The following STK32B variants were observed in gnomAD, a reference collection of about 807,000 sequenced individuals.
The protein encoded by STK32B is serine/threonine-protein kinase 32B.
In STK32B, 43 loss-of-function variants were observed where a neutral mutation model predicts 52.6. The observed-to-expected ratio is 0.82, with a 90% CI of 0.64 to 1.05. The LOEUF (loss-of-function observed/expected upper bound fraction) is 1.05. STK32B is among the 50% of genes least tolerant of loss of function. The pLI is 0.00. For synonymous variants in STK32B, 238 were observed against 204.3 expected (o/e 1.17, Z -1.41); for missense variants, 621 against 534.6 (o/e 1.16, Z -1.59).
chr4:5,103,589 A>G (rs1713944181), intron 1 of STK32B, among the ~76,000 whole-genome samples: 1 of 152,120 alleles, frequency 6.6e-6, no homozygotes, highest in Non-Finnish European at 1.5e-5. Flanking sequence ...TTCCTTGTGC[A>G]CATCCATGGG....
rs538365816 is a variant in STK32B, at chr4:5,157,403, T to G, written c.109-10896T>G. On this transcript the variant is annotated intron_variant, in intron 2 of 11. Coordinates refer to ENST00000282908, the MANE Select transcript of STK32B (RefSeq NM_018401.3). ...CATATAAACAATAAGTATGATGATT[T>G]CCATTGATGATAGCTGCTCTGCAGA... Among the ~76,000 whole-genome samples the G allele has an allele frequency of 2.0e-5, 3 of 152,182 alleles. No individual in the cohort carries two copies. In the East Asian group the frequency reaches 5.8e-4, roughly 29 times the overall value.
intron 9 of STK32B, among the ~76,000 whole-genome samples, chr4:5,461,998 C>T (rs1245197143): frequency 6.6e-6 from 1 of 152,216 alleles, no homozygotes; most frequent in African/African-American, 2.4e-5. Flanking sequence ...AGTGGCTGTT[C>T]AGGTAGAGCT....
chr4:5,130,226 G>A (rs957932270), intron 1 of STK32B, among the ~76,000 whole-genome samples: 4 of 151,904 alleles, frequency 2.6e-5, no homozygotes, highest in East Asian at 1.9e-4. Flanking sequence ...ATGACCAGGC[G>A]TTCCAGGCAG....
Position 5,381,672 on chromosome 4 carries a change from A to G in STK32B, c.435-16535A>G, listed in dbSNP as rs141570454. Among the ~76,000 whole-genome samples, 632 of 152,294 alleles carry G rather than the reference A, an allele frequency of 4.1e-3. 5 individuals carry two copies. Among genetic ancestry groups the G allele is most frequent in the African/African-American group, 0.014 (589 of 41,566 alleles). ...AGGAAATAGCACATGGATTATTTGTAATACATTTCTTTTTCTGAAAGTGGC... is the reference window on the plus strand; with the variant it reads ...AGGAAATAGCACATGGATTATTTGTGATACATTTCTTTTTCTGAAAGTGGC... On this transcript the variant is annotated intron_variant, in intron 4 of 11. Transcript: ENST00000282908.
chr4:5,251,599 T>G (rs1440682541), intron 3 of STK32B, among the ~76,000 whole-genome samples: 1 of 152,184 alleles, frequency 6.6e-6, no homozygotes, highest in Non-Finnish European at 1.5e-5. Context: ...TTATAATTTT[T>G]TTAATTCCAT....
chr4:5,495,329 T>C (rs1228573509), intron 11 of STK32B, among the ~76,000 whole-genome samples: 1 of 152,210 alleles, frequency 6.6e-6, no homozygotes, highest in Non-Finnish European at 1.5e-5. Context: ...ATTCAGTTCA[T>C]GTTCCATCGC....
chr4:5,364,096 C>CG (rs1366864640), intron 4 of STK32B, among the ~76,000 whole-genome samples: 5 of 151,134 alleles, frequency 3.3e-5, no homozygotes, highest in African/African-American at 1.2e-4. Context: ...ACTGACCCCC[C>CG]CCACTGTCCA....
intron 3 of STK32B, among the ~76,000 whole-genome samples, chr4:5,304,017 A>T (rs1729749206): frequency 6.6e-6 from 1 of 152,056 alleles, no homozygotes; most frequent in African/African-American, 2.4e-5. Flanking sequence ...TGAGTTCTCT[A>T]TTCTGTTCCA....
At chr4:5,283,771 C>T (rs918377557) in intron 3 of STK32B, among the ~76,000 whole-genome samples, 4 of 152,038 alleles carry the variant, frequency 2.6e-5, no homozygotes, top group Admixed American at 1.3e-4. Context: ...AGTAAAAAGT[C>T]CTGGGCAAAC....
At chr4:5,392,615 C>T (rs566651600) in intron 4 of STK32B, among the ~76,000 whole-genome samples, 34 of 152,130 alleles carry the variant, frequency 2.2e-4, no homozygotes, top group Non-Finnish European at 3.4e-4. Context: ...CTTACCTCTA[C>T]CGGTGTTTGA....
intron 4 of STK32B, among the ~76,000 whole-genome samples, chr4:5,356,415 G>C (rs1031110438): frequency 2.0e-5 from 3 of 152,188 alleles, no homozygotes; most frequent in Non-Finnish European, 4.4e-5. Flanking sequence ...TTCACAGACA[G>C]CAGGGTTAGG....
chr4:5,297,113 C>T (rs1177395557), intron 3 of STK32B, among the ~76,000 whole-genome samples: 3 of 152,166 alleles, frequency 2.0e-5, no homozygotes, highest in Non-Finnish European at 4.4e-5. Context: ...GCCCCACTCT[C>T]GTCTGTCTTG....
intron 7 of STK32B, among the ~76,000 whole-genome samples, chr4:5,455,200 A>C (rs3821931): frequency 0.057 from 8,611 of 152,312 alleles, 462 homozygotes; most frequent in African/African-American, 0.14. Context: ...CTGTAGCCCT[A>C]CCAAGGATCG....
At chr4:5,169,185 G>C (rs1719132655) in intron 3 of STK32B, among the ~76,000 whole-genome samples, 1 of 152,136 alleles carries the variant, frequency 6.6e-6, no homozygotes, top group Non-Finnish European at 1.5e-5. Context: ...TCCTGTGTTT[G>C]ACCTAATGCC....
intron 6 of STK32B, among the ~76,000 whole-genome samples, chr4:5,444,257 C>A (rs531417084): frequency 6.6e-6 from 1 of 152,332 alleles, no homozygotes; most frequent in African/African-American, 2.4e-5. Context: ...AGCGAGACTC[C>A]GTGGGTGTAG....
At chr4:5,498,058 CA>C (rs1720441146) in intron 11 of STK32B, among the ~76,000 whole-genome samples, 1 of 152,054 alleles carries the variant, frequency 6.6e-6, no homozygotes, top group South Asian at 2.1e-4. Context: ...CCTAGTTTTA[CA>C]TAAGAAAGCT....
chr4:5,405,786 C>T (rs1737621213), intron 5 of STK32B, among the ~76,000 whole-genome samples: 1 of 152,256 alleles, frequency 6.6e-6, no homozygotes, highest in Middle Eastern at 3.4e-3. Context: ...ATCCAATCAC[C>T]TCCCACCAGG....
chr4:5,328,339 C>T (rs1453836736), intron 3 of STK32B, among the ~76,000 whole-genome samples: 1 of 152,218 alleles, frequency 6.6e-6, no homozygotes, highest in Admixed American at 6.5e-5. Context: ...TGGCATTTGG[C>T]ATGTCTTTCT....
At chr4:5,318,387 G>C (rs911368110) in intron 3 of STK32B, among the ~76,000 whole-genome samples, 1 of 151,948 alleles carries the variant, frequency 6.6e-6, no homozygotes, top group Non-Finnish European at 1.5e-5. Context: ...GCAGGGAAAA[G>C]AACTGTAGGC....
Sources: allele counts gnomAD v4.1 joint callset (sites outside exome capture counted in the v4.1 genomes callset), GRCh38; gene constraint gnomAD v4.1.1; transcripts MANE v1.5; gene names NCBI Gene and HGNC (gene_info 2026-07-23, HGNC 2026-07-21).